EDARADD: variants seen among roughly 807,000 people sequenced by gnomAD.
EDARADD encodes EDAR associated via death domain.
EDARADD carries 20 observed loss-of-function variants against 25.6 expected under a neutral mutation model. The ratio of observed to expected loss-of-function variants is 0.78; its 90% CI spans 0.55 to 1.14. The LOEUF (loss-of-function observed/expected upper bound fraction) is 1.14, where lower values mean the gene tolerates loss of function less well. EDARADD is among the 50% of genes most tolerant of loss of function. The pLI is 0.00. For synonymous variants in EDARADD, 86 were observed against 94.4 expected, an observed-to-expected ratio of 0.91 and a Z score of 0.52; for missense variants, 225 against 270.1, an observed-to-expected ratio of 0.83 and a Z score of 1.17.
chr1:236,420,205 A>C (rs1233663966), intron 3 of EDARADD, among the ~76,000 whole-genome samples: 1 of 152,108 alleles, frequency 6.6e-6, no homozygotes, highest in East Asian at 1.9e-4. Flanking sequence ...AAATACATAA[A>C]ATAAAAAGAC....
At chr1:236,439,871 ATTTC>A (rs1658356038) in intron 4 of EDARADD, among the ~76,000 whole-genome samples, 1 of 152,260 alleles carries the variant, frequency 6.6e-6, no homozygotes, top group African/African-American at 2.4e-5. Flanking sequence ...TTTATCAATT[ATTTC>A]TTTCTTGGAT....
At position 236,463,141 on chromosome 1, in the gene EDARADD, C is replaced by T. The variant is rs1200100240; in HGVS notation, c.220-5090C>T. ...TCCTGTTTCATAAATGTTATTCACA[C>T]GGCATTTCTCTGCTATCCTCGGAAT... On this transcript the variant is annotated intron_variant, in intron 4 of 5. Coordinates refer to ENST00000334232, the MANE Select transcript of EDARADD (RefSeq NM_145861.4). Among the ~76,000 whole-genome samples the T allele has an allele frequency of 3.3e-5, 5 of 152,262 alleles. No individual in the cohort carries two copies. In the East Asian group the frequency reaches 9.6e-4, roughly 29 times the overall value.
chr1:236,405,822 T>C (rs190892424), intron 1 of EDARADD, among the ~76,000 whole-genome samples: 1,073 of 55,418 alleles, frequency 0.019, 96 homozygotes, highest in African/African-American at 0.071. Context: ...CCTTCCTTCC[T>C]TTCCTTCCTT....
At chr1:236,446,709 TA>T (rs1197830222) in intron 4 of EDARADD, among the ~76,000 whole-genome samples, 1 of 152,244 alleles carries the variant, frequency 6.6e-6, no homozygotes, top group Non-Finnish European at 1.5e-5. Context: ...TTTGAGTATA[TA>T]TTTTTTAAAA....
At chr1:236,457,197 A>T (rs1437113304) in intron 4 of EDARADD, among the ~76,000 whole-genome samples, 1 of 152,170 alleles carries the variant, frequency 6.6e-6, no homozygotes, top group East Asian at 1.9e-4. Flanking sequence ...TTAGACCTAG[A>T]CAAAATAAAA....
chr1:236,467,235 G>C (rs556874453), intron 4 of EDARADD, among the ~76,000 whole-genome samples: 6 of 150,486 alleles, frequency 4.0e-5, no homozygotes, highest in African/African-American at 1.5e-4. Context: ...CATTGGCACC[G>C]TGCCTGAGGT....
At chr1:236,455,847 T>A (rs1044155798) in intron 4 of EDARADD, among the ~76,000 whole-genome samples, 1 of 152,198 alleles carries the variant, frequency 6.6e-6, no homozygotes, top group Non-Finnish European at 1.5e-5. Flanking sequence ...TGGAGAGCAG[T>A]TGCGCGATCT....
chr1:236,403,044 C>T (rs1667642687), intron 1 of EDARADD, among the ~76,000 whole-genome samples: 1 of 152,058 alleles, frequency 6.6e-6, no homozygotes, highest in South Asian at 2.1e-4. Context: ...AAATCTCCGC[C>T]TCCTGGGTTC....
Position 236,418,016 on chromosome 1 carries a change from C to T in EDARADD, c.160+3717C>T, listed in dbSNP as rs1488010895. Among the ~76,000 whole-genome samples, 8 of 142,336 alleles carry T rather than the reference C, an allele frequency of 5.6e-5. No individual in the cohort carries two copies. The South Asian group carries it at 1.1e-3, about 20-fold the overall frequency. 93.4% of individuals were successfully genotyped at this position (142,336 alleles called of 152,430 possible). On this transcript the variant is annotated intron_variant, in intron 3 of 5. Coordinates refer to ENST00000334232, the MANE Select transcript of EDARADD (RefSeq NM_145861.4). ...TCGCCCAGGCTGGAGTGCAGTGGTGCGATCTCGGCTCACTGCAAGCTCTGC... is the reference window on the plus strand; with the variant it reads ...TCGCCCAGGCTGGAGTGCAGTGGTGTGATCTCGGCTCACTGCAAGCTCTGC...
chr1:236,400,720 A>ATTTTTTTTTTT (rs55864840), intron 1 of EDARADD, among the ~76,000 whole-genome samples: 28 of 121,152 alleles, frequency 2.3e-4, no homozygotes, highest in Admixed American at 4.5e-4. Context: ...ACACCCGGCT[A>ATTTTTTTTTTT]TTTTTTTTTT....
chr1:236,451,763 A>G (rs1391737963), intron 4 of EDARADD, among the ~76,000 whole-genome samples: 1 of 152,054 alleles, frequency 6.6e-6, no homozygotes, highest in Non-Finnish European at 1.5e-5. Context: ...CCTGATCTGA[A>G]ATTTGGAGGC....
chr1:236,442,325 C>G (rs1467009311), intron 4 of EDARADD, among the ~76,000 whole-genome samples: 1 of 152,136 alleles, frequency 6.6e-6, no homozygotes, highest in African/African-American at 2.4e-5. Context: ...AGGGTCTCAC[C>G]ATGTTGGCCA....
intron 4 of EDARADD, among the ~76,000 whole-genome samples, chr1:236,431,660 G>A (rs112955873): frequency 6.0e-5 from 3 of 50,024 alleles, no homozygotes; most frequent in Admixed American, 2.2e-4. Flanking sequence ...GGTGGCTCAC[G>A]CCTGTAATCC....
chr1:236,402,882 A>AC (rs1389215050), intron 1 of EDARADD, among the ~76,000 whole-genome samples: 1 of 152,232 alleles, frequency 6.6e-6, no homozygotes, highest in Non-Finnish European at 1.5e-5. Context: ...TGGAAGGCTT[A>AC]GCTGAGACTG....
intron 5 of EDARADD, among the ~76,000 whole-genome samples, chr1:236,477,393 T>C (rs946392122): frequency 6.6e-6 from 1 of 151,206 alleles, no homozygotes; most frequent in Non-Finnish European, 1.5e-5. Flanking sequence ...CAGGCGCCTG[T>C]AGTCCCAGCT....
At chr1:236,465,110 C>T (rs558290471) in intron 4 of EDARADD, among the ~76,000 whole-genome samples, 1 of 152,294 alleles carries the variant, frequency 6.6e-6, no homozygotes, top group Admixed American at 6.5e-5. Flanking sequence ...CACTTCATCC[C>T]CTTCTCTCCT....
chr1:236,388,098 G>T (rs1658795172), intron 3 of EDARADD, among the ~76,000 whole-genome samples: 1 of 149,502 alleles, frequency 6.7e-6, no homozygotes, highest in Non-Finnish European at 1.5e-5. Context: ...TTGTGTATAG[G>T]GTGAGACAGA....
At chr1:236,427,524 GT>G in intron 4 of EDARADD, 74 bp downstream of exon 4, 1 of 1,371,070 alleles carries the variant, frequency 7.3e-7, no homozygotes, top group Non-Finnish European at 1.0e-6. Context: ...GATTTATAGA[GT>G]TTTACAAATA....
At chr1:236,437,907 C>T (rs7527006) in intron 4 of EDARADD, among the ~76,000 whole-genome samples, 2,058 of 152,126 alleles carry the variant, frequency 0.014, 55 homozygotes, top group African/African-American at 0.047. Context: ...CACCATCATG[C>T]CCAGCTAATT....
Sources: allele counts gnomAD v4.1 joint callset (sites outside exome capture counted in the v4.1 genomes callset), GRCh38; gene constraint gnomAD v4.1.1; transcripts MANE v1.5; gene names NCBI Gene and HGNC (gene_info 2026-07-23, HGNC 2026-07-21).